MAF: variants seen among roughly 807,000 people sequenced by gnomAD.
MAF encodes the protein transcription factor Maf.
Under a neutral mutation model 22.0 loss-of-function variants are expected in MAF, and 10 were observed. The ratio of observed to expected loss-of-function variants is 0.45; its 90% CI spans 0.28 to 0.77. MAF has a LOEUF of 0.77. MAF is among the 30% of genes least tolerant of loss of function. The probability of loss-of-function intolerance (pLI) is 0.12; values close to 1 mark genes in which losing one functional copy is unlikely to be tolerated. For missense variants in MAF, 544 were observed against 548.4 expected (o/e 0.99, Z 0.08); for synonymous variants, 337 against 255.8 (o/e 1.32, Z -3.03).
the MAF span, among the ~76,000 whole-genome samples, chr16:79,334,890 A>C: frequency 6.6e-6 from 1 of 150,782 alleles, no homozygotes. Context: ...TGTGTGTTTA[A>C]AGAACATACA....
the MAF span, among the ~76,000 whole-genome samples, chr16:79,222,073 T>C: frequency 2.6e-5 from 4 of 152,042 alleles, no homozygotes; most frequent in East Asian, 5.8e-4. Flanking sequence ...TGAAATAACG[T>C]TGTGGGAGAA....
chr16:79,302,401 G>A, the MAF span, among the ~76,000 whole-genome samples: 1 of 151,918 alleles, frequency 6.6e-6, no homozygotes, highest in South Asian at 2.1e-4. Flanking sequence ...TGGTCAGTGT[G>A]AAAACGACTC....
the MAF span, among the ~76,000 whole-genome samples, chr16:79,511,748 A>C: frequency 2.0e-5 from 3 of 152,228 alleles, no homozygotes; most frequent in Non-Finnish European, 2.9e-5. Context: ...CCCAGCTTAC[A>C]GAGGATGAAA....
chr16:79,543,933 G>A, the MAF span, among the ~76,000 whole-genome samples: 1 of 151,582 alleles, frequency 6.6e-6, no homozygotes, highest in Non-Finnish European at 1.5e-5. Flanking sequence ...TGATCCACCC[G>A]CCTCGGCCTC....
chr16:79,432,348 T>G, the MAF span, among the ~76,000 whole-genome samples: 4 of 151,984 alleles, frequency 2.6e-5, no homozygotes, highest in Admixed American at 6.6e-5. Flanking sequence ...TATTTCCTTA[T>G]AGCAATGTGA....
chr16:79,576,045 C>A, the MAF span, among the ~76,000 whole-genome samples: 1 of 152,028 alleles, frequency 6.6e-6, no homozygotes, highest in East Asian at 1.9e-4. Flanking sequence ...GAATAATGAC[C>A]TTTACCCCAC....
chr16:79,408,028 CG>C, the MAF span, among the ~76,000 whole-genome samples: 1 of 123,272 alleles, frequency 8.1e-6, no homozygotes, highest in Admixed American at 1.1e-4. Flanking sequence ...AAGAGGCGGG[CG>C]CCATAAGAGA....
chr16:79,315,561 C>T, the MAF span, among the ~76,000 whole-genome samples: 5 of 152,230 alleles, frequency 3.3e-5, no homozygotes, highest in Non-Finnish European at 7.4e-5. Flanking sequence ...ATTTTACAGA[C>T]GGGGAAAATG....
chr16:79,598,806 G>A lies in MAF; in HGVS notation c.1097C>T (p.Pro366Leu), dbSNP rs1913762715. 3 of 1,613,834 alleles carry A rather than the reference G, an allele frequency of 1.9e-6. No individual in the cohort carries two copies. The highest frequency in any genetic ancestry group is 2.5e-6 in the Non-Finnish European group (3 of 1,179,984). Residue 366 changes from proline to leucine, a missense_variant, in exon 1 of 2, where the codon CCG (proline) becomes CTG (leucine). Pro to Leu is a moderately conservative substitution (Grantham distance 98). This residue lies in a region of MAF where 129 missense variants were observed against 113.6 expected (regional missense o/e 1.14). Transcript: ENST00000326043. Reference sequence around the variant, plus strand: ...TCACATGAAAAACTCGGGAGAGGACGGGTTGTCGCTGCTCGAGCCGTTTTC... The same window carrying A: ...TCACATGAAAAACTCGGGAGAGGACAGGTTGTCGCTGCTCGAGCCGTTTTC... Reference protein sequence around the residue: ...FRENGSSSDNPSSPEFFITEP... With the variant: ...FRENGSSSDNLSSPEFFITEP...
the MAF span, among the ~76,000 whole-genome samples, chr16:79,550,481 C>T: frequency 1.7e-4 from 26 of 152,190 alleles, no homozygotes; most frequent in African/African-American, 4.3e-4. Context: ...GTAAAACCTG[C>T]GAAACCTCAC....
chr16:79,355,470 T>C, the MAF span, among the ~76,000 whole-genome samples: 2 of 152,086 alleles, frequency 1.3e-5, no homozygotes, highest in African/African-American at 4.8e-5. Context: ...GCCAAACAGT[T>C]CCAACCCCAA....
At chr16:79,390,563 G>GTTCT in the MAF span, among the ~76,000 whole-genome samples, 1 of 152,080 alleles carries the variant, frequency 6.6e-6, no homozygotes, top group Non-Finnish European at 1.5e-5. Flanking sequence ...ACACATCAAG[G>GTTCT]AACAGACTGC....
At chr16:79,350,578 C>G in the MAF span, among the ~76,000 whole-genome samples, 37 of 152,284 alleles carry the variant, frequency 2.4e-4, no homozygotes, top group Non-Finnish European at 5.0e-4. Context: ...ATATGCATCC[C>G]TCCAGGCCCC....
chr16:79,570,011 C>CTTTTTTT, the MAF span, among the ~76,000 whole-genome samples: 4 of 116,954 alleles, frequency 3.4e-5, no homozygotes, highest in East Asian at 2.6e-4. Flanking sequence ...TGTCTTTGTT[C>CTTTTTTT]TTTTTTTTTT....
chr16:79,543,509 C>A, the MAF span, among the ~76,000 whole-genome samples: 1 of 152,178 alleles, frequency 6.6e-6, no homozygotes, highest in African/African-American at 2.4e-5. Flanking sequence ...GGCAGTCCCA[C>A]CTTTCCAAAG....
the MAF span, among the ~76,000 whole-genome samples, chr16:79,221,657 T>A: frequency 0.13 from 19,517 of 152,110 alleles, 2,202 homozygotes; most frequent in African/African-American, 0.31. Context: ...TCTGGACAGC[T>A]GATAAGAGTG....
At chr16:79,362,294 T>C in the MAF span, among the ~76,000 whole-genome samples, 5 of 152,338 alleles carry the variant, frequency 3.3e-5, no homozygotes, top group East Asian at 9.6e-4. Context: ...GCGTGCAGCA[T>C]CTGATGACTA....
At chr16:79,480,164 C>T in the MAF span, among the ~76,000 whole-genome samples, 110,045 of 151,878 alleles carry the variant, frequency 0.72, 39,957 homozygotes, top group Middle Eastern at 0.83. Flanking sequence ...CTGTTTCCAA[C>T]ACAGTAAACG....
chr16:79,342,525 T>C, the MAF span, among the ~76,000 whole-genome samples: 1 of 152,106 alleles, frequency 6.6e-6, no homozygotes, highest in South Asian at 2.1e-4. Flanking sequence ...GTAATCATTA[T>C]CAACATCATC....
Sources: gnomAD v4.1 joint callset for allele counts (sites outside exome capture counted in the v4.1 genomes callset) on GRCh38, gnomAD v4.1.1 for gene constraint, gnomAD v4.1.1 regional missense constraint, MANE v1.5 for transcripts, NCBI Gene and HGNC (gene_info 2026-07-23, HGNC 2026-07-21) for gene names.